The following UCHL3 variants were observed in gnomAD, a reference collection of about 807,000 sequenced individuals.
UCHL3 encodes the protein ubiquitin carboxyl-terminal hydrolase isozyme L3.
Under a neutral mutation model 35.8 loss-of-function variants are expected in UCHL3, and 22 were observed. The observed-to-expected ratio is 0.61, with a 90% CI of 0.44 to 0.88. The LOEUF (loss-of-function observed/expected upper bound fraction) is 0.88. Ranked by LOEUF, UCHL3 falls within the 40% of genes least tolerant of loss-of-function variation. The pLI is 0.00. For missense variants in UCHL3, 229 were observed against 276.9 expected (o/e 0.83, Z 1.23); for synonymous variants, 90 against 92.8 (o/e 0.97, Z 0.17).
intron 8 of UCHL3, 135 bp from the exon 9 acceptor site, chr13:75,605,594 T>C (rs2032918885): frequency 1.3e-6 from 1 of 798,626 alleles, no homozygotes; most frequent in Admixed American, 2.7e-5. Context: ...ACTTTTCTGG[T>C]GTTCTTTATT....
intron 6 of UCHL3, among the ~76,000 whole-genome samples, chr13:75,573,564 C>G (rs1380522124): frequency 6.6e-6 from 1 of 152,150 alleles, no homozygotes; most frequent in Non-Finnish European, 1.5e-5. Context: ...AGACTACCAC[C>G]TTCTCACTGT....
chr13:75,572,129 T>G (rs999572034), intron 6 of UCHL3, among the ~76,000 whole-genome samples: 5 of 152,126 alleles, frequency 3.3e-5, no homozygotes, highest in African/African-American at 1.2e-4. Context: ...TTTCCTTATT[T>G]TATTATTTCT....
chr13:75,583,145 T>C (rs935902663), intron 6 of UCHL3, among the ~76,000 whole-genome samples: 7 of 152,232 alleles, frequency 4.6e-5, no homozygotes, highest in African/African-American at 1.7e-4. Flanking sequence ...AAACAATCTT[T>C]AGTATGCTAT....
intron 3 of UCHL3, among the ~76,000 whole-genome samples, chr13:75,563,321 G>A (rs1185503462): frequency 5.9e-5 from 9 of 152,076 alleles, no homozygotes; most frequent in East Asian, 1.9e-4. Context: ...GATTTCAGGC[G>A]TGTGCCACTA....
chr13:75,577,656 G>T (rs1013090337), intron 6 of UCHL3, among the ~76,000 whole-genome samples: 1 of 152,142 alleles, frequency 6.6e-6, no homozygotes, highest in African/African-American at 2.4e-5. Context: ...TAGATTAGAA[G>T]ATCTCCTTAT....
chr13:75,557,100 A>T (rs1032277952), intron 2 of UCHL3, among the ~76,000 whole-genome samples: 3 of 152,150 alleles, frequency 2.0e-5, no homozygotes, highest in Non-Finnish European at 4.4e-5. Context: ...CTGTAGTCTC[A>T]GCTATCTGGG....
Position 75,582,023 on chromosome 13 carries a change from G to A in UCHL3, c.474+12516G>A, listed in dbSNP as rs187583336. ...TTGATGGGCGAGTGACCTTGCAATG[G>A]AAAACACTGAAATTGGAGCTGGGAG... On this transcript the variant is annotated intron_variant, in intron 6 of 8. Coordinates refer to ENST00000377595, the MANE Select transcript of UCHL3 (RefSeq NM_006002.5). Among the ~76,000 whole-genome samples, 13 of 152,284 alleles carry A rather than the reference G, an allele frequency of 8.5e-5. No homozygotes were observed. The East Asian group carries it at 2.3e-3, about 27-fold the overall frequency.
intron 3 of UCHL3, among the ~76,000 whole-genome samples, chr13:75,562,028 AATG>A (rs2031534170): frequency 6.6e-6 from 1 of 152,170 alleles, no homozygotes; most frequent in African/African-American, 2.4e-5. Flanking sequence ...AGTTATGAAA[AATG>A]AAGAAGTAAA....
rs552179832 is a variant in UCHL3, at chr13:75,567,142, ATAG to A, written c.341-81_341-79del. ...CCAATGAAAGAATTTAACCTGAAAA[ATAG>A]TAGCATACTTCTAGTATTTTCATAT... On this transcript the variant is annotated intron_variant, in intron 4 of 8. Coordinates refer to ENST00000377595, the MANE Select transcript of UCHL3 (RefSeq NM_006002.5). The A allele has an allele frequency of 6.6e-5, 83 of 1,261,774 alleles. No individual in the cohort carries two copies. The African/African-American group carries it at 1.1e-3, about 17-fold the overall frequency. The allele number at this position is 1,261,774 out of a possible 1,614,324, so 78.2% of individuals were successfully genotyped here.
intron 2 of UCHL3, 50 bp downstream of exon 2, chr13:75,550,037 C>G (rs770598441): frequency 1.2e-6 from 2 of 1,613,606 alleles, no homozygotes; most frequent in Non-Finnish European, 1.7e-6. Flanking sequence ...TCTGTCTGCT[C>G]GGTCCGCTTC....
intron 7 of UCHL3, among the ~76,000 whole-genome samples, chr13:75,603,182 G>T (rs1045090283): frequency 2.0e-5 from 3 of 152,022 alleles, no homozygotes; most frequent in Non-Finnish European, 4.4e-5. Context: ...TAAAGGTGGG[G>T]TCTCACTGTA....
At chr13:75,595,971 C>T (rs1279752487) in intron 7 of UCHL3, among the ~76,000 whole-genome samples, 2 of 151,862 alleles carry the variant, frequency 1.3e-5, no homozygotes, top group African/African-American at 4.8e-5. Context: ...GCCAAATAAA[C>T]AACAAAAAAG....
At chr13:75,563,281 T>C (rs570023998) in intron 3 of UCHL3, among the ~76,000 whole-genome samples, 1 of 152,308 alleles carries the variant, frequency 6.6e-6, no homozygotes, top group South Asian at 2.1e-4. Context: ...GTACAAGTGA[T>C]TCTTCTGCCT....
chr13:75,575,950 C>T (rs547676189), intron 6 of UCHL3, among the ~76,000 whole-genome samples: 1 of 151,926 alleles, frequency 6.6e-6, no homozygotes, highest in African/African-American at 2.4e-5. Context: ...CGGGGTTTTG[C>T]CATGTTGGCT....
intron 6 of UCHL3, among the ~76,000 whole-genome samples, chr13:75,594,566 C>A (rs1223123886): frequency 7.2e-6 from 1 of 138,368 alleles, no homozygotes; most frequent in Non-Finnish European, 1.6e-5. Flanking sequence ...TCATACATAT[C>A]AGTTCATGTA....
At chr13:75,596,161 A>T (rs987255879) in intron 7 of UCHL3, among the ~76,000 whole-genome samples, 2 of 152,204 alleles carry the variant, frequency 1.3e-5, no homozygotes, top group African/African-American at 4.8e-5. Flanking sequence ...TGTGTTTGGA[A>T]TATTAGCAAC....
intron 7 of UCHL3, among the ~76,000 whole-genome samples, chr13:75,600,570 A>G (rs148787704): frequency 2.0e-5 from 3 of 152,330 alleles, no homozygotes; most frequent in East Asian, 3.9e-4. Context: ...TAGTATATCT[A>G]TTTATAGCCT....
chr13:75,572,179 C>T (rs1023580828), intron 6 of UCHL3, among the ~76,000 whole-genome samples: 1 of 151,576 alleles, frequency 6.6e-6, no homozygotes, highest in Non-Finnish European at 1.5e-5. Flanking sequence ...ATATTCTTTC[C>T]CTCAATCTCT....
chr13:75,566,810 T>C lies in UCHL3; in HGVS notation c.299T>C (p.Leu100Pro), dbSNP rs2031699025. Residue 100 changes from leucine to proline, a missense_variant, in exon 4 of 9, where the codon CTG becomes CCG. Leu to Pro is a moderately conservative substitution (Grantham distance 98). Transcript: ENST00000377595. ...AGCAATGCCTGTGGAACAATTGGAC[T>C]GATTCATGCTATTGCAAACAATAAA... Reference protein sequence around the residue: ...TISNACGTIGLIHAIANNKDK... With the variant: ...TISNACGTIGPIHAIANNKDK... 1 of 1,607,580 alleles carries C rather than the reference T, an allele frequency of 6.2e-7. No homozygotes were observed. The highest frequency in any genetic ancestry group is 2.2e-5 in the East Asian group (1 of 44,658).
Sources: gnomAD v4.1 joint callset for allele counts (sites outside exome capture counted in the v4.1 genomes callset) on GRCh38, gnomAD v4.1.1 for gene constraint, MANE v1.5 for transcripts, NCBI Gene and HGNC (gene_info 2026-07-23, HGNC 2026-07-21) for gene names.